SLC35B2: variants seen among roughly 807,000 people sequenced by gnomAD.
SLC35B2 encodes solute carrier family 35 member B2.
A neutral mutation model predicts 37.9 loss-of-function variants in SLC35B2; 19 were observed. That is an observed-to-expected ratio of 0.50 (90% CI 0.35 to 0.74). SLC35B2 has a LOEUF of 0.74. Ranked by LOEUF, SLC35B2 falls within the 30% of genes least tolerant of loss-of-function variation. The pLI, the probability that SLC35B2 is intolerant of heterozygous loss-of-function variation, is 0.01. For missense variants in SLC35B2, 633 were observed against 547.6 expected, an observed-to-expected ratio of 1.16 and a Z score of -1.56; for synonymous variants, 277 against 225.2, an observed-to-expected ratio of 1.23 and a Z score of -2.06.
chr6:44,257,012 C>CCTCTCTCTCT (rs36092647), intron 1 of SLC35B2, 134 bp from the exon 2 acceptor site: 3 of 798,440 alleles, frequency 3.8e-6, no homozygotes, highest in African/African-American at 3.7e-5. Context: ...GGACAAAGAG[C>CCTCTCTCTCT]CTCTCTCTCT....
chr6:44,256,900 G>A (rs940551622), intron 1 of SLC35B2, 22 bp from the exon 2 acceptor site: 2 of 1,585,632 alleles, frequency 1.3e-6, no homozygotes, highest in Non-Finnish European at 1.7e-6. Flanking sequence ...GCGGACATAA[G>A]GATTAGGGCG....
rs1781298749 is a variant in SLC35B2, at chr6:44,255,322, T to C, written c.683A>G (p.Lys228Arg). The C allele has an allele frequency of 4.3e-6, 7 of 1,614,110 alleles. No individual in the cohort carries two copies. The highest frequency in any genetic ancestry group is 1.3e-5 in the African/African-American group (1 of 74,926). Residue 228 changes from lysine to arginine, a missense_variant, in exon 4 of 4, where the codon AAG becomes AGG. By Grantham distance (26) the Lys-to-Arg change is conservative. Coordinates refer to ENST00000393812, the MANE Select transcript of SLC35B2 (RefSeq NM_178148.4). The stretch of plus-strand genomic sequence containing the variant: ...TTCGTAGCTGCGCCGAGACACAAGC[T>C]TTCCCATCAGCATGACAGGGATCAC... ...SKVIPVMLMG[K>R]LVSRRSYEHW...
At position 44,255,350 on chromosome 6, in the gene SLC35B2, T is replaced by C; in HGVS notation, c.655A>G (p.Lys219Glu). The change falls in exon 4 of 4, where the codon AAG becomes GAG. Residue 219 changes from lysine (K) to glutamate (E), a missense_variant. Transcript: ENST00000393812. Reference sequence around the variant, plus strand: ...CCCATCAGCATGACAGGGATCACCTTAGAGGCCTTGGCCAGCACCTGGGTG... The same window carrying C: ...CCCATCAGCATGACAGGGATCACCTCAGAGGCCTTGGCCAGCACCTGGGTG... Reference protein sequence around the residue: ...FPTQVLAKASKVIPVMLMGKL... With the variant: ...FPTQVLAKASEVIPVMLMGKL... The C allele has an allele frequency of 6.2e-7, 1 of 1,614,220 alleles. No homozygotes were observed. The highest frequency in any genetic ancestry group is 1.1e-5 in the South Asian group (1 of 91,078).
chr6:44,254,737 ACAGC>A lies in SLC35B2; in HGVS notation c.1264_1267del (p.Ala422CysfsTer22). 6.2e-7 allele frequency: 1 copy of A among 1,613,682 alleles called. No homozygotes were observed. Among genetic ancestry groups the A allele is most frequent in the Non-Finnish European group, 8.5e-7 (1 of 1,179,676 alleles). The stretch of plus-strand genomic sequence containing the variant: ...CTTCTGCACAGGAGACTCAACAGGC[ACAGC>A]CTTCTTTCCCCGTTGCTTTAGACGG... On this transcript the variant is annotated frameshift_variant, in exon 4 of 4. Transcript: ENST00000393812. LOFTEE classifies it high-confidence loss of function.
chr6:44,257,585 C>T, upstream of SLC35B2: 1 of 468,320 alleles, frequency 2.1e-6, no homozygotes, highest in Non-Finnish European at 3.0e-6. Flanking sequence ...CGCGACCACG[C>T]AGCGCCCCGG....
At position 44,255,098 on chromosome 6, in the gene SLC35B2, T is replaced by A; in HGVS notation, c.907A>T (p.Met303Leu). ...CAGGAGAAGAAATTGACCCCAAACA[T>A]CATCTGCACCGATGACATCTTATAG... ...FAYKMSSVQM[M>L]FGVNFFSCLF... The change falls in exon 4 of 4, where the codon ATG becomes TTG. Residue 303 changes from methionine to leucine, a missense_variant. Coordinates refer to ENST00000393812, the MANE Select transcript of SLC35B2 (RefSeq NM_178148.4). 1 of 1,614,080 alleles carries A rather than the reference T, an allele frequency of 6.2e-7. No individual in the cohort carries two copies. The highest frequency in any genetic ancestry group is 1.6e-4 in the Middle Eastern group (1 of 6,062).
At chr6:44,257,218 C>T in intron 1 of SLC35B2, 182 bp downstream of exon 1, 1 of 648,572 alleles carries the variant, frequency 1.5e-6, no homozygotes. Context: ...CCAGCCCCTC[C>T]GCCCGAAGCT....
At chr6:44,255,844 T>G (rs912330708) in intron 3 of SLC35B2, among the ~76,000 whole-genome samples, 200 bp from the exon 4 acceptor site, 17 of 152,146 alleles carry the variant, frequency 1.1e-4, no homozygotes, top group Non-Finnish European at 2.5e-4. Flanking sequence ...GAAAAACCTA[T>G]TCAGGGAGGC....
Position 44,257,420 on chromosome 6 carries a change from C to A in SLC35B2, c.-10G>T. 7.9e-7 allele frequency: 1 copy of A among 1,263,492 alleles called. No homozygotes were observed. The highest frequency in any genetic ancestry group is 1.0e-6 in the Non-Finnish European group (1 of 997,050). 78.3% of individuals were successfully genotyped at this position (1,263,492 alleles called of 1,614,324 possible). A position where few individuals can be genotyped will look rare whatever the true frequency, so the allele number is the denominator to read the frequency against. ...CCCACCTGGCGTCCATGGTCCAGGC[C>A]GCGTGGGGTGGAGGGGGAACCGGGG... On this transcript the variant is annotated 5_prime_UTR_variant, in exon 1 of 4. Transcript: ENST00000393812.
rs1469909954 is a variant in SLC35B2 at position 44,254,955 on chromosome 6, A to G, written c.1050T>C (p.Cys350=). The change falls in exon 4 of 4, where the codon TGT becomes TGC. Residue 350 remains cysteine (C), a synonymous_variant. Transcript: ENST00000393812. ...HALLLSICSA[C]GQLFIFYTIG... is the part of the protein sequence containing the mutation. ...TGGTGTAAAAGATGAAGAGCTGGCC[A>G]CATGCGGAGCAGATGGAGAGTAGCA... 2 of 1,614,236 alleles carry G rather than the reference A, an allele frequency of 1.2e-6. No individual in the cohort carries two copies. The highest frequency in any genetic ancestry group is 1.1e-5 in the South Asian group (1 of 91,084).
upstream of SLC35B2, chr6:44,257,567 G>A: frequency 2.6e-5 from 16 of 623,280 alleles, no homozygotes; most frequent in Non-Finnish European, 3.5e-5. Context: ...GGCCCCCTCC[G>A]CCCCTGCCGC....
chr6:44,257,739 C>T (rs965909479), upstream of SLC35B2: 1 of 158,820 alleles, frequency 6.3e-6, no homozygotes, highest in Non-Finnish European at 1.4e-5. Context: ...CGTCATCGCC[C>T]TTCATAAGCG....
Position 44,256,788 on chromosome 6 carries a change from T to C in SLC35B2, c.102A>G (p.Leu34=), listed in dbSNP as rs1423927216. ...PEAPPESWTQ[L]WFFRFVVNAA... is the part of the protein sequence containing the mutation. Reference sequence around the variant, plus strand: ...CATTCACCACAAATCGGAAGAACCATAGCTGGGTCCATGACTCCGGAGGGG... The same window carrying C: ...CATTCACCACAAATCGGAAGAACCACAGCTGGGTCCATGACTCCGGAGGGG... The change falls in exon 2 of 4, where the codon CTA becomes CTG. Residue 34 remains leucine (L), a synonymous_variant. Transcript: ENST00000393812. 4 of 1,614,162 alleles carry C rather than the reference T, an allele frequency of 2.5e-6. No homozygotes were observed. The highest frequency in any genetic ancestry group is 1.7e-6 in the Non-Finnish European group (2 of 1,180,016).
chr6:44,257,131 A>G (rs1342147962), intron 1 of SLC35B2: 2 of 528,038 alleles, frequency 3.8e-6, no homozygotes, highest in South Asian at 3.4e-5. Context: ...GTTCCCTCCA[A>G]CGCTAGCCGG....
chr6:44,255,759 CTT>C (rs1237798505), intron 3 of SLC35B2, 115 bp from the exon 4 acceptor site: 7 of 1,021,192 alleles, frequency 6.9e-6, no homozygotes, highest in Non-Finnish European at 9.7e-6. Context: ...AAAATATACA[CTT>C]TTTGGTTCCT....
rs1303032469 is a variant in SLC35B2 at position 44,255,224 on chromosome 6, G to T, written c.781C>A (p.Pro261Thr). The T allele has an allele frequency of 6.2e-7, 1 of 1,614,224 alleles. No homozygotes were observed. Among genetic ancestry groups the T allele is most frequent in the South Asian group, 1.1e-5 (1 of 91,090 alleles). The change falls in exon 4 of 4, where the codon CCC (proline) becomes ACC (threonine). Residue 261 changes from proline (P) to threonine (T), a missense_variant. By Grantham distance (38) the Pro-to-Thr change is conservative. Transcript: ENST00000393812. ...SMFLLSSGPE[P>T]RSSPATTLSG... The stretch of plus-strand genomic sequence containing the variant: ...AGTGTGGTGGCTGGGGAGCTGCGGG[G>T]CTCTGGTCCGCTGGATAGCAGAAAC...
rs754723477 is a variant in SLC35B2 at position 44,255,069 on chromosome 6, G to A, written c.936C>T (p.Leu312=). ...MMFGVNFFSC[L]FTVGSLLEQG... is the part of the protein sequence containing the mutation. ...GTTCTAGCAGTGAGCCCACTGTGAA[G>A]AGGCAGGAGAAGAAATTGACCCCAA... Residue 312 remains leucine, a synonymous_variant, in exon 4 of 4, where the codon CTC becomes CTT. Coordinates refer to ENST00000393812, the MANE Select transcript of SLC35B2 (RefSeq NM_178148.4). 16 of 1,614,252 alleles carry A rather than the reference G, an allele frequency of 9.9e-6. No individual in the cohort carries two copies. Among genetic ancestry groups the A allele is most frequent in the Non-Finnish European group, 1.4e-5 (16 of 1,180,050 alleles).
rs1261227077 is a variant in SLC35B2 at position 44,255,195 on chromosome 6, TGA to T, written c.808_809del (p.Ser270ArgfsTer12). 1.2e-6 allele frequency: 2 copies of T among 1,614,080 alleles called. No homozygotes were observed. The highest frequency in any genetic ancestry group is 1.3e-5 in the African/African-American group (1 of 74,934). The part of the protein sequence containing the change: ...EPRSSPATTL[S>X]GLILLAGYIA... ...TATAACCTGCCAGTAAGATGAGGCC[TGA>T]GAGTGTGGTGGCTGGGGAGCTGCGG... On this transcript the variant is annotated frameshift_variant, in exon 4 of 4. Coordinates refer to ENST00000393812, the MANE Select transcript of SLC35B2 (RefSeq NM_178148.4). LOFTEE classifies it high-confidence loss of function.
At position 44,254,421 on chromosome 6, in the gene SLC35B2, T is replaced by G; in HGVS notation, c.*285A>C. ...GACTTAAGGGAACTTGTGGGAAGAG[T>G]AACTGGAACCTACCTATGCTCTCTT... On this transcript the variant is annotated 3_prime_UTR_variant, in exon 4 of 4. Coordinates refer to ENST00000393812, the MANE Select transcript of SLC35B2 (RefSeq NM_178148.4). The G allele has an allele frequency of 2.2e-5, 6 of 274,972 alleles. No homozygotes were observed. Among genetic ancestry groups the G allele is most frequent in the South Asian group, 1.2e-4 (2 of 17,132 alleles). 17.0% of individuals were successfully genotyped at this position (274,972 alleles called of 1,614,324 possible).
Sources: allele counts gnomAD v4.1 joint callset (sites outside exome capture counted in the v4.1 genomes callset), GRCh38; gene constraint gnomAD v4.1.1; transcripts MANE v1.5; gene names NCBI Gene and HGNC (gene_info 2026-07-23, HGNC 2026-07-21).